Variants in COL5A1 observed in about 807,000 individuals in gnomAD.
COL5A1 encodes the protein collagen type V alpha 1 chain.
In COL5A1, 16 loss-of-function variants were observed where a neutral mutation model predicts 263.7. The observed-to-expected ratio is 0.06, with a 90% CI of 0.04 to 0.09. The LOEUF is 0.09. Ranked by LOEUF, COL5A1 falls within the 10% of genes least tolerant of loss-of-function variation. The probability of loss-of-function intolerance (pLI) is 1.00; values close to 1 mark genes in which losing one functional copy is unlikely to be tolerated. For missense variants in COL5A1, 2,036 were observed against 2,540.5 expected (o/e 0.80, Z 4.27); for synonymous variants, 1,012 against 1,004.5 (o/e 1.01, Z -0.14).
intron 22 of COL5A1, among the ~76,000 whole-genome samples, 190 bp from the exon 23 acceptor site, chr9:134,766,810 C>T (rs1836684694): frequency 2.6e-5 from 4 of 152,192 alleles, no homozygotes; most frequent in Admixed American, 1.3e-4. Flanking sequence ...TCAACCTCCA[C>T]AGCCTCAGAG....
At chr9:134,780,021 C>G in intron 27 of COL5A1, 81 bp from the exon 28 acceptor site, 4 of 1,522,792 alleles carry the variant, frequency 2.6e-6, no homozygotes, top group Non-Finnish European at 2.7e-6. Context: ...CGAGCTCAGC[C>G]TGTCTTGACA....
intron 1 of COL5A1, among the ~76,000 whole-genome samples, chr9:134,654,438 GGTGTGTAGGGCTGGT>G (rs1299249384): frequency 2.5e-5 from 3 of 119,150 alleles, no homozygotes; most frequent in East Asian, 5.3e-4. Context: ...TAGGGCTGGA[GGTGTGTAGGGCTGGT>G]GTGTGTAGGG....
At chr9:134,683,643 G>T (rs1832926071) in intron 1 of COL5A1, among the ~76,000 whole-genome samples, 1 of 152,210 alleles carries the variant, frequency 6.6e-6, no homozygotes, top group African/African-American at 2.4e-5. Context: ...ACACGGCTGA[G>T]TGCCCAGTGT....
chr9:134,673,521 A>G (rs1453001582), intron 1 of COL5A1, among the ~76,000 whole-genome samples: 2 of 152,150 alleles, frequency 1.3e-5, no homozygotes, highest in African/African-American at 4.8e-5. Context: ...TCTATTTGCA[A>G]TAGAATAAGC....
chr9:134,649,168 C>T (rs925335309), intron 1 of COL5A1, among the ~76,000 whole-genome samples: 4 of 152,154 alleles, frequency 2.6e-5, no homozygotes, highest in African/African-American at 7.2e-5. Context: ...GAGAGAAGAC[C>T]GTGGAATGAA....
chr9:134,712,991 T>C lies in COL5A1; in HGVS notation c.654+11658T>C, dbSNP rs1402768595. Among the ~76,000 whole-genome samples, 9 of 152,292 alleles carry C rather than the reference T, an allele frequency of 5.9e-5. No individual in the cohort carries two copies. In the East Asian group the frequency reaches 1.4e-3, roughly 23 times the overall value. On this transcript the variant is annotated intron_variant, in intron 4 of 65. Coordinates refer to ENST00000371817, the MANE Select transcript of COL5A1 (RefSeq NM_000093.5). The stretch of plus-strand genomic sequence containing the variant: ...CCAGCACTCCTGGAGCCCTGGACTC[T>C]CCAAACCAGGCGTGATTCCCGCTGT...
intron 61 of COL5A1, among the ~76,000 whole-genome samples, chr9:134,824,261 G>C (rs1839158906): frequency 6.6e-6 from 1 of 152,228 alleles, no homozygotes; most frequent in Admixed American, 6.5e-5. Flanking sequence ...CCAGACTGGG[G>C]AGACCTGGTC....
At chr9:134,778,480 C>A (rs900221533) in intron 27 of COL5A1, among the ~76,000 whole-genome samples, 2 of 152,254 alleles carry the variant, frequency 1.3e-5, no homozygotes, top group Non-Finnish European at 2.9e-5. Flanking sequence ...AGGTCCATGT[C>A]CCATCTCAGG....
chr9:134,663,919 C>T (rs1475042184), intron 1 of COL5A1, among the ~76,000 whole-genome samples: 1 of 152,178 alleles, frequency 6.6e-6, no homozygotes. Flanking sequence ...ACCAGAGCTG[C>T]CACCACCGGA....
chr9:134,761,906 T>C lies in COL5A1; in HGVS notation c.1936-19T>C. 6.2e-7 allele frequency: 1 copy of C among 1,613,228 alleles called. No individual in the cohort carries two copies. The highest frequency in any genetic ancestry group is 8.5e-7 in the Non-Finnish European group (1 of 1,179,764). On this transcript the variant is annotated intron_variant, in intron 18 of 65. Coordinates refer to ENST00000371817, the MANE Select transcript of COL5A1 (RefSeq NM_000093.5). ...TGACCTGCTCAGGAGAGGCTGACGT[T>C]GACCCTTTCACTTCCTAGGGTGACC...
chr9:134,698,324 C>T (rs1024286219), intron 2 of COL5A1, among the ~76,000 whole-genome samples: 11 of 152,224 alleles, frequency 7.2e-5, no homozygotes, highest in African/African-American at 2.4e-4. Context: ...ACAGGGTGCC[C>T]GGCCACAGCT....
chr9:134,794,226 C>T lies in COL5A1; in HGVS notation c.2701-856C>T, dbSNP rs1007850490. 6.6e-6 allele frequency among the ~76,000 whole-genome samples: 1 copy of T among 151,880 alleles called. No homozygotes were observed. Among genetic ancestry groups the T allele is most frequent in the African/African-American group, 2.4e-5 (1 of 41,342 alleles). On this transcript the variant is annotated intron_variant, in intron 32 of 65. Coordinates refer to ENST00000371817, the MANE Select transcript of COL5A1 (RefSeq NM_000093.5). The surrounding 1 kb of genome is among the most constrained non-coding windows in gnomAD (Gnocchi z 4.3). Reference sequence around the variant, plus strand: ...GTCCCAGCAACTCAGGAGGCTGAGGCAGGAGAATCGCTTGAACCTGGGAGG... The same window carrying T: ...GTCCCAGCAACTCAGGAGGCTGAGGTAGGAGAATCGCTTGAACCTGGGAGG...
At position 134,755,667 on chromosome 9, in the gene COL5A1, T is replaced by G. The variant is rs1835940606; in HGVS notation, c.1828-1098T>G. On this transcript the variant is annotated intron_variant, in intron 16 of 65. Transcript: ENST00000371817. This position sits in a 1 kb window ranked among gnomAD's most constrained non-coding sequence, Gnocchi z 4.1. Reference sequence around the variant, plus strand: ...GTGAAGTTTTCCGACAATCTTCCCTTGGTTTCTAAAAGTGTTTGGAAATCT... The same window carrying G: ...GTGAAGTTTTCCGACAATCTTCCCTGGGTTTCTAAAAGTGTTTGGAAATCT... Among the ~76,000 whole-genome samples the G allele has an allele frequency of 6.6e-6, 1 of 152,268 alleles. No homozygotes were observed. The highest frequency in any genetic ancestry group is 6.5e-5 in the Admixed American group (1 of 15,294).
chr9:134,742,411 C>T lies in COL5A1; in HGVS notation c.1494+3603C>T, dbSNP rs761424233. On this transcript the variant is annotated intron_variant, in intron 11 of 65. Transcript: ENST00000371817. This position sits in a 1 kb window ranked among gnomAD's most constrained non-coding sequence, Gnocchi z 4.6. ...GAATCCCGAGATGGGAGGTCTGGAG[C>T]GGCTGTGTCCGGGTGGAGAAGGGGC... 7.9e-5 allele frequency among the ~76,000 whole-genome samples: 12 copies of T among 152,012 alleles called. No individual in the cohort carries two copies. The highest frequency in any genetic ancestry group is 1.3e-4 in the Non-Finnish European group (9 of 67,992).
chr9:134,738,399 CG>C, intron 9 of COL5A1, 74 bp from the exon 10 acceptor site: 1 of 1,550,232 alleles, frequency 6.5e-7, no homozygotes, highest in Non-Finnish European at 8.9e-7. Context: ...AGCTGAAGGC[CG>C]TCCACACCAC....
At chr9:134,685,438 CCATTGTCCAT>C (rs1225615241) in intron 1 of COL5A1, among the ~76,000 whole-genome samples, 364 of 11,176 alleles carry the variant, frequency 0.033, 2 homozygotes, top group Non-Finnish European at 0.048. Context: ...ATCCATCCAT[CCATTGTCCAT>C]CATCCATCCA....
rs1216493876 is a variant in COL5A1, at chr9:134,731,587, C to G, written c.1256C>G (p.Pro419Arg). 6.2e-7 allele frequency: 1 copy of G among 1,614,094 alleles called. No homozygotes were observed. Among genetic ancestry groups the G allele is most frequent in the South Asian group, 1.1e-5 (1 of 91,074 alleles). Residue 419 changes from proline (P) to arginine (R), a missense_variant, in exon 8 of 66, where the codon CCC becomes CGC. This residue lies in a region of COL5A1 where 600 missense variants were observed against 634.5 expected (regional missense o/e 0.95). Transcript: ENST00000371817. The stretch of plus-strand genomic sequence containing the variant: ...AACCTTGACGAGAACTACTACGACC[C>G]CTACTACGACCCCACCAGCTCCCCG... ...IRNLDENYYD[P>R]YYDPTSSPSE...
In COL5A1 at chr9:134,767,069, A is replaced by G; in HGVS notation, c.2187+16A>G. 6.2e-7 allele frequency: 1 copy of G among 1,612,530 alleles called. No homozygotes were observed. The highest frequency in any genetic ancestry group is 8.5e-7 in the Non-Finnish European group (1 of 1,179,576). ...AGGCGCCCAGGTAAGTGAGCCTGAG[A>G]GAGGCAGCTCGCAGGGATCCGGCCG... On this transcript the variant is annotated intron_variant, in intron 23 of 65. Transcript: ENST00000371817.
chr9:134,829,870 A>G, intron 63 of COL5A1, 106 bp from the exon 64 acceptor site: 1 of 1,253,420 alleles, frequency 8.0e-7, no homozygotes, highest in Non-Finnish European at 1.1e-6. Context: ...CGGCGTGAGG[A>G]TGCAGGCGCG....
Sources: gnomAD v4.1 joint callset for allele counts (sites outside exome capture counted in the v4.1 genomes callset) on GRCh38, gnomAD v4.1.1 for gene constraint, gnomAD v4.1.1 regional missense constraint, Gnocchi (gnomAD v3.1) non-coding constraint, MANE v1.5 for transcripts, NCBI Gene and HGNC (gene_info 2026-07-23, HGNC 2026-07-21) for gene names.